PLCE1: variants seen among roughly 807,000 people sequenced by gnomAD.
PLCE1 encodes the protein phospholipase C epsilon 1, also known as 1-phosphatidylinositol 4,5-bisphosphate phosphodiesterase epsilon-1.
In PLCE1, 119 loss-of-function variants were observed where a neutral mutation model predicts 242.8. That is an observed-to-expected ratio of 0.49 (90% CI 0.42 to 0.57). PLCE1 has a LOEUF of 0.57. Among genes scored for constraint, PLCE1 ranks in the 20% least tolerant of loss-of-function variants. The pLI is 0.00. For synonymous variants in PLCE1, 945 were observed against 1,017.4 expected (o/e 0.93, Z 1.35); for missense variants, 2,441 against 2,788.8 (o/e 0.88, Z 2.81).
rs73321818 is a variant in PLCE1 at position 94,306,407 on chromosome 10, T to A, written c.5623-20T>A. On this transcript the variant is annotated intron_variant, in intron 25 of 32. Transcript: ENST00000371380. This position sits in a 1 kb window ranked among gnomAD's most constrained non-coding sequence, Gnocchi z 5.7. Reference sequence around the variant, plus strand: ...TTTTATCCTCGGTGACTTTGATCCCTTTTGTCTCCCTCACCCTAGATTGTC... The same window carrying A: ...TTTTATCCTCGGTGACTTTGATCCCATTTGTCTCCCTCACCCTAGATTGTC... 4.5e-4 allele frequency: 722 copies of A among 1,614,152 alleles called. 3 individuals are homozygous for A. The African/African-American group carries it at 8.7e-3, about 19-fold the overall frequency.
chr10:94,175,949 A>ATCTAT (rs1314230177), intron 4 of PLCE1, among the ~76,000 whole-genome samples: 3 of 152,104 alleles, frequency 2.0e-5, no homozygotes, highest in African/African-American at 7.2e-5. Context: ...ACATTTTCTT[A>ATCTAT]TCTATTCATC....
At chr10:94,192,189 A>G (rs1402150669) in intron 4 of PLCE1, among the ~76,000 whole-genome samples, 1 of 152,156 alleles carries the variant, frequency 6.6e-6, no homozygotes, top group Non-Finnish European at 1.5e-5. Context: ...TGTTTTTATA[A>G]TTTCAACTTT....
intron 3 of PLCE1, among the ~76,000 whole-genome samples, chr10:94,137,377 GA>G (rs1371438447): frequency 6.6e-6 from 1 of 151,970 alleles, no homozygotes; most frequent in African/African-American, 2.4e-5. Flanking sequence ...TTTACCTACT[GA>G]AAATTATAAA....
At chr10:94,006,054 G>C (rs1053565138) in intron 1 of PLCE1, among the ~76,000 whole-genome samples, 2 of 152,166 alleles carry the variant, frequency 1.3e-5, no homozygotes, top group Admixed American at 1.3e-4. Flanking sequence ...GGCATACCCG[G>C]GTTTGATCCA....
Position 94,273,680 on chromosome 10 carries a change from T to TAGG in PLCE1, c.4626_4627insGGA (p.Leu1542_Lys1543insGly). 6.2e-7 allele frequency: 1 copy of TAGG among 1,613,986 alleles called. No homozygotes were observed. Among genetic ancestry groups the TAGG allele is most frequent in the East Asian group, 2.2e-5 (1 of 44,836 alleles). On this transcript the variant is annotated inframe_insertion, in exon 19 of 33. Transcript: ENST00000371380. The stretch of plus-strand genomic sequence containing the variant: ...AAAGTTCTTCTTAAAAACAAGAAGC[T>TAGG]AAAAGCCCATCAGACGCCAGTGGAT...
intron 3 of PLCE1, chr10:94,138,326 A>G (rs1483383921): frequency 1.1e-5 from 4 of 368,646 alleles, no homozygotes; most frequent in Non-Finnish European, 2.2e-5. Flanking sequence ...CTTCTATGCC[A>G]CAGACTGGGT....
At chr10:94,199,560 C>G (rs948517618) in intron 4 of PLCE1, among the ~76,000 whole-genome samples, 1 of 152,198 alleles carries the variant, frequency 6.6e-6, no homozygotes, top group Non-Finnish European at 1.5e-5. Context: ...ACTTGTTTCC[C>G]ACATGAGCTA....
chr10:94,060,943 C>T (rs904087863), intron 2 of PLCE1, among the ~76,000 whole-genome samples: 1 of 152,014 alleles, frequency 6.6e-6, no homozygotes, highest in Non-Finnish European at 1.5e-5. Flanking sequence ...TGATCATCCA[C>T]CCGCCTCGGC....
intron 4 of PLCE1, among the ~76,000 whole-genome samples, chr10:94,177,244 A>T (rs1159987111): frequency 6.6e-6 from 1 of 152,226 alleles, no homozygotes; most frequent in Non-Finnish European, 1.5e-5. Flanking sequence ...TTCAGCTTAC[A>T]TTAATGAAGG....
chr10:94,289,584 C>T (rs1350321989), intron 22 of PLCE1, among the ~76,000 whole-genome samples: 5 of 152,162 alleles, frequency 3.3e-5, no homozygotes, highest in South Asian at 4.1e-4. Context: ...CCAGCCTGTA[C>T]GGCATGTTAC....
intron 4 of PLCE1, among the ~76,000 whole-genome samples, chr10:94,172,862 C>T (rs12250213): frequency 0.031 from 4,748 of 152,262 alleles, 219 homozygotes; most frequent in African/African-American, 0.093. Context: ...AACTGTAGCT[C>T]ACTTTGCAGC....
At chr10:94,114,326 A>G (rs534315569) in intron 2 of PLCE1, among the ~76,000 whole-genome samples, 8 of 152,310 alleles carry the variant, frequency 5.3e-5, no homozygotes, top group African/African-American at 1.9e-4. Context: ...ACAGATGAGT[A>G]TAGACAGTAA....
chr10:94,318,634 A>G (rs543031743), intron 29 of PLCE1, among the ~76,000 whole-genome samples: 1 of 152,292 alleles, frequency 6.6e-6, no homozygotes, highest in Admixed American at 6.5e-5. Context: ...ACCCACACTC[A>G]GCACCTTGGG....
chr10:94,200,759 G>A (rs2048964093), intron 4 of PLCE1, among the ~76,000 whole-genome samples: 1 of 152,188 alleles, frequency 6.6e-6, no homozygotes, highest in Non-Finnish European at 1.5e-5. Flanking sequence ...AACATCAACA[G>A]GGACACATTC....
At chr10:94,213,011 C>G (rs1244810402) in intron 4 of PLCE1, among the ~76,000 whole-genome samples, 1 of 152,210 alleles carries the variant, frequency 6.6e-6, no homozygotes, top group East Asian at 1.9e-4. Flanking sequence ...CTTGGAAGTG[C>G]TGCAGCCAGG....
At chr10:94,053,315 A>G (rs2043813705) in intron 2 of PLCE1, among the ~76,000 whole-genome samples, 1 of 152,236 alleles carries the variant, frequency 6.6e-6, no homozygotes. Context: ...AAATTGTTCA[A>G]TAGATTTTAG....
rs2050235069 is a variant in PLCE1, at chr10:94,234,054, G to A, written c.1956G>A (p.Arg652=). 6.2e-7 allele frequency: 1 copy of A among 1,613,042 alleles called. No homozygotes were observed. Among genetic ancestry groups the A allele is most frequent in the Non-Finnish European group, 8.5e-7 (1 of 1,179,078 alleles). Reference sequence around the variant, plus strand: ...GAAAAATGTCATTTACTTGCAATAGGTCAAGAAAAGTTTTAAAAATGTGGC... The same window carrying A: ...GAAAAATGTCATTTACTTGCAATAGATCAAGAAAAGTTTTAAAAATGTGGC... ...NAVMEFLAGL[R]SRKVLKMWQF... is the part of the protein sequence containing the mutation. The change falls in exon 6 of 33, where the codon AGG becomes AGA. Residue 652 remains arginine, a splice_region_variant and synonymous_variant. Transcript: ENST00000371380.
intron 24 of PLCE1, among the ~76,000 whole-genome samples, chr10:94,302,767 T>C (rs1253982821): frequency 6.6e-6 from 1 of 152,246 alleles, no homozygotes; most frequent in African/African-American, 2.4e-5. Context: ...ATCTGCTTCA[T>C]AGATTATTGG....
At chr10:94,184,626 G>A (rs186701566) in intron 4 of PLCE1, among the ~76,000 whole-genome samples, 72 of 152,228 alleles carry the variant, frequency 4.7e-4, no homozygotes, top group African/African-American at 1.7e-3. Flanking sequence ...CACCACGCCC[G>A]GCCCTCCAAC....
Sources: allele counts gnomAD v4.1 joint callset (sites outside exome capture counted in the v4.1 genomes callset), GRCh38; gene constraint gnomAD v4.1.1; non-coding constraint Gnocchi (gnomAD v3.1); transcripts MANE v1.5; gene names NCBI Gene and HGNC (gene_info 2026-07-23, HGNC 2026-07-21).